ABLIM2: variants seen among roughly 807,000 people sequenced by gnomAD.
The protein encoded by ABLIM2 is actin-binding LIM protein 2.
In ABLIM2, 53 loss-of-function variants were observed where a neutral mutation model predicts 97.7. That is an observed-to-expected ratio of 0.54 (90% CI 0.44 to 0.68). The LOEUF is 0.68. ABLIM2 is among the 30% of genes least tolerant of loss of function. The probability of loss-of-function intolerance (pLI) is 0.00; values close to 1 mark genes in which losing one functional copy is unlikely to be tolerated. For synonymous variants in ABLIM2, 361 were observed against 345.8 expected, an observed-to-expected ratio of 1.04 and a Z score of -0.49; for missense variants, 835 against 867.2, an observed-to-expected ratio of 0.96 and a Z score of 0.47.
chr4:8,139,318 A>G (rs1850624600), intron 1 of ABLIM2, among the ~76,000 whole-genome samples: 1 of 152,038 alleles, frequency 6.6e-6, no homozygotes, highest in Non-Finnish European at 1.5e-5. Context: ...GTGAACAGAC[A>G]ACCTATGAAA....
chr4:8,101,072 T>C (rs1481285930), intron 2 of ABLIM2, among the ~76,000 whole-genome samples: 1 of 152,204 alleles, frequency 6.6e-6, no homozygotes, highest in African/African-American at 2.4e-5. Flanking sequence ...CAAGGTGCTG[T>C]CCACCCGCTG....
Position 8,075,737 on chromosome 4 carries a change from G to A in ABLIM2, c.675+1891C>T, listed in dbSNP as rs1215914579. On this transcript the variant is annotated intron_variant, in intron 6 of 20. Coordinates refer to ENST00000447017, the MANE Select transcript of ABLIM2 (RefSeq NM_001130083.2). The surrounding 1 kb of genome is among the most constrained non-coding windows in gnomAD (Gnocchi z 4.4). ...CCATTGACTTGTGCCCTTTAAATGG[G>A]CAAATTGTGAACTCTATCTCAATGA... 6.6e-6 allele frequency among the ~76,000 whole-genome samples: 1 copy of A among 152,130 alleles called. No individual in the cohort carries two copies. Among genetic ancestry groups the A allele is most frequent in the South Asian group, 2.1e-4 (1 of 4,826 alleles).
intron 4 of ABLIM2, 53 bp downstream of exon 4, chr4:8,088,116 C>T (rs1824985716): frequency 4.6e-5 from 25 of 542,152 alleles, no homozygotes; most frequent in Non-Finnish European, 7.3e-5. Flanking sequence ...CCATTTAGCA[C>T]CCCCCACTCA....
rs150356257 is a variant in ABLIM2, at chr4:8,082,866, G to A, written c.455-2064C>T. ...TTCCTGTGTCTCTGCAGAGTCAGAC[G>A]ACGCACAGCCCTGACTTAGCCTCCT... is the stretch of plus-strand genomic sequence containing the variant. On this transcript the variant is annotated intron_variant, in intron 4 of 20. Coordinates refer to ENST00000447017, the MANE Select transcript of ABLIM2 (RefSeq NM_001130083.2). This position sits in a 1 kb window ranked among gnomAD's most constrained non-coding sequence, Gnocchi z 5.6. Among the ~76,000 whole-genome samples the A allele has an allele frequency of 4.6e-5, 7 of 152,308 alleles. No homozygotes were observed. The highest frequency in any genetic ancestry group is 1.0e-4 in the Non-Finnish European group (7 of 68,030).
Position 8,032,534 on chromosome 4 carries a change from C to A in ABLIM2, c.1048-2758G>T. 1 of 1,390,302 alleles carries A rather than the reference C, an allele frequency of 7.2e-7. No individual in the cohort carries two copies. The highest frequency in any genetic ancestry group is 1.0e-6 in the Non-Finnish European group (1 of 992,862). The allele number at this position is 1,390,302 out of a possible 1,614,324, so 86.1% of individuals were successfully genotyped here. A position where few individuals can be genotyped will look rare whatever the true frequency, so the allele number is the denominator to read the frequency against. ...TCACAAGGGCCGTGGCCCCGGGCCC[C>A]ATGGTGAAGAGCCACCGAGGAGGCC... On this transcript the variant is annotated intron_variant, in intron 10 of 20. Coordinates refer to ENST00000447017, the MANE Select transcript of ABLIM2 (RefSeq NM_001130083.2). This position sits in a 1 kb window ranked among gnomAD's most constrained non-coding sequence, Gnocchi z 4.3.
At position 8,020,297 on chromosome 4, in the gene ABLIM2, T is replaced by C. The variant is rs770783543; in HGVS notation, c.1274A>G (p.Glu425Gly). 6.2e-7 allele frequency: 1 copy of C among 1,613,586 alleles called. No homozygotes were observed. Among genetic ancestry groups the C allele is most frequent in the Non-Finnish European group, 8.5e-7 (1 of 1,179,764 alleles). Residue 425 changes from glutamate to glycine, a missense_variant, in exon 13 of 21, where the codon GAA becomes GGA. Glu to Gly is a moderately conservative substitution (Grantham distance 98). Coordinates refer to ENST00000447017, the MANE Select transcript of ABLIM2 (RefSeq NM_001130083.2). Reference sequence around the variant, plus strand: ...GAGGCTGGGGGTGCTCCGGCCACTTTCACTGCCTCCAGACGGAAGGGCAAA... The same window carrying C: ...GAGGCTGGGGGTGCTCCGGCCACTTCCACTGCCTCCAGACGGAAGGGCAAA... ...HHYIPYFRGS[E>G]SGRSTPSLSV...
Position 8,083,909 on chromosome 4 carries a change from T to G in ABLIM2, c.455-3107A>C, listed in dbSNP as rs1821536040. On this transcript the variant is annotated intron_variant, in intron 4 of 20. Transcript: ENST00000447017. This position sits in a 1 kb window ranked among gnomAD's most constrained non-coding sequence, Gnocchi z 4.6. ...CCTCTTCCACAAGATGTGGTCATGG[T>G]GGGGGTGGTTGTTGGGGGGTGGCTA... is the stretch of plus-strand genomic sequence containing the variant. Among the ~76,000 whole-genome samples, 1 of 151,824 alleles carries G rather than the reference T, an allele frequency of 6.6e-6. No homozygotes were observed. Among genetic ancestry groups the G allele is most frequent in the African/African-American group, 2.4e-5 (1 of 41,316 alleles).
intron 1 of ABLIM2, among the ~76,000 whole-genome samples, chr4:8,139,115 T>G (rs1669982939): frequency 6.6e-6 from 1 of 152,102 alleles, no homozygotes; most frequent in Admixed American, 6.5e-5. Flanking sequence ...GAGAATTGCT[T>G]GAACCCAGGA....
At chr4:8,009,027 C>T in intron 15 of ABLIM2, 23 bp downstream of exon 15, 1 of 1,613,834 alleles carries the variant, frequency 6.2e-7, no homozygotes, top group South Asian at 1.1e-5. Flanking sequence ...CTGTTCTCAG[C>T]CAGATCTGCT....
At position 8,128,296 on chromosome 4, in the gene ABLIM2, G is replaced by A. The variant is rs746386915; in HGVS notation, c.11-21659C>T. On this transcript the variant is annotated intron_variant, in intron 1 of 20. Transcript: ENST00000447017. The surrounding 1 kb of genome is among the most constrained non-coding windows in gnomAD (Gnocchi z 4.9). ...CTCCATCTTTACCATAATTACATAC[G>A]GAAACACCCAAACAAGGTCACATTC... Among the ~76,000 whole-genome samples, 4 of 152,058 alleles carry A rather than the reference G, an allele frequency of 2.6e-5. No individual in the cohort carries two copies. The highest frequency in any genetic ancestry group is 4.4e-5 in the Non-Finnish European group (3 of 68,008).
chr4:7,991,663 C>G (rs1748837290), intron 17 of ABLIM2, among the ~76,000 whole-genome samples: 1 of 152,192 alleles, frequency 6.6e-6, no homozygotes, highest in African/African-American at 2.4e-5. Context: ...TGCATGGTCC[C>G]CAGTTAGGCC....
rs543250611 is a variant in ABLIM2 at position 8,127,666 on chromosome 4, G to A, written c.11-21029C>T. Reference sequence around the variant, plus strand: ...ACGGAGGATCGGGCAGGAGTGGACCGGGGAAGAGCCTCTGTGGCCCACAGG... The same window carrying A: ...ACGGAGGATCGGGCAGGAGTGGACCAGGGAAGAGCCTCTGTGGCCCACAGG... On this transcript the variant is annotated intron_variant, in intron 1 of 20. Transcript: ENST00000447017. The surrounding 1 kb of genome is among the most constrained non-coding windows in gnomAD (Gnocchi z 7.3). The A allele has an allele frequency of 4.3e-5, 55 of 1,275,702 alleles. No individual in the cohort carries two copies. The East Asian group carries it at 7.9e-4, about 18-fold the overall frequency. The allele number at this position is 1,275,702 out of a possible 1,614,324, so 79.0% of individuals were successfully genotyped here.
intron 12 of ABLIM2, among the ~76,000 whole-genome samples, chr4:8,027,229 C>A (rs533633162): frequency 6.6e-6 from 1 of 152,176 alleles, no homozygotes; most frequent in Admixed American, 6.5e-5. Flanking sequence ...CGTTTCCCTG[C>A]GTGACCAGCA....
Position 7,970,436 on chromosome 4 carries a change from G to T in ABLIM2, c.1825-3333C>A, listed in dbSNP as rs1726875574. ...GACTGGTGAGTGAGTGGTCTCTTGG[G>T]TTTAGCTGGCATCAGGTCTTTGCTG... On this transcript the variant is annotated intron_variant, in intron 20 of 20. Coordinates refer to ENST00000447017, the MANE Select transcript of ABLIM2 (RefSeq NM_001130083.2). The surrounding 1 kb of genome is among the most constrained non-coding windows in gnomAD (Gnocchi z 5.3). Among the ~76,000 whole-genome samples, 1 of 152,070 alleles carries T rather than the reference G, an allele frequency of 6.6e-6. No individual in the cohort carries two copies. The highest frequency in any genetic ancestry group is 1.5e-5 in the Non-Finnish European group (1 of 68,008).
intron 8 of ABLIM2, among the ~76,000 whole-genome samples, chr4:8,051,039 G>A (rs1374455962): frequency 1.3e-5 from 2 of 152,264 alleles, no homozygotes; most frequent in African/African-American, 4.8e-5. Flanking sequence ...TGACCCGGAG[G>A]TCAGCACGGG....
intron 1 of ABLIM2, among the ~76,000 whole-genome samples, chr4:8,115,341 G>A (rs544268321): frequency 6.6e-6 from 1 of 152,232 alleles, no homozygotes; most frequent in Non-Finnish European, 1.5e-5. Flanking sequence ...TTGAGCCCAT[G>A]AGCCACTCCT....
intron 12 of ABLIM2, among the ~76,000 whole-genome samples, chr4:8,025,060 GCTGGGAC>G (rs1487705244): frequency 6.6e-6 from 1 of 152,154 alleles, no homozygotes; most frequent in African/African-American, 2.4e-5. Flanking sequence ...CTCCCTAATA[GCTGGGAC>G]CACAGGTGCG....
At position 8,003,903 on chromosome 4, in the gene ABLIM2, A is replaced by AG. The variant is rs749409152; in HGVS notation, c.1618+4155dup. Among the ~76,000 whole-genome samples the AG allele has an allele frequency of 4.6e-5, 7 of 151,922 alleles. No homozygotes were observed. Among genetic ancestry groups the AG allele is most frequent in the Non-Finnish European group, 8.8e-5 (6 of 67,988 alleles). On this transcript the variant is annotated intron_variant, in intron 16 of 20. Transcript: ENST00000447017. This position sits in a 1 kb window ranked among gnomAD's most constrained non-coding sequence, Gnocchi z 4.2. ...TCTGATGTCTGCATATTCCATACCT[A>AG]GGGGGTCTCACGTCTCTAAGCCTGA...
At chr4:8,100,171 G>A (rs754626810) in intron 2 of ABLIM2, among the ~76,000 whole-genome samples, 4 of 152,120 alleles carry the variant, frequency 2.6e-5, no homozygotes, top group African/African-American at 4.8e-5. Context: ...AACTTTTCCC[G>A]CCCTTTGACC....
Sources: allele counts gnomAD v4.1 joint callset (sites outside exome capture counted in the v4.1 genomes callset), GRCh38; gene constraint gnomAD v4.1.1; non-coding constraint Gnocchi (gnomAD v3.1); transcripts MANE v1.5; gene names NCBI Gene and HGNC (gene_info 2026-07-23, HGNC 2026-07-21).